The following HIVEP1 variants were observed in gnomAD, a reference collection of about 807,000 sequenced individuals.
The protein encoded by HIVEP1 is HIVEP zinc finger 1.
In HIVEP1, 36 loss-of-function variants were observed where a neutral mutation model predicts 180.0. The ratio of observed to expected loss-of-function variants is 0.20; its 90% CI spans 0.15 to 0.26. The LOEUF (loss-of-function observed/expected upper bound fraction) is 0.26, where lower values mean the gene tolerates loss of function less well. Ranked by LOEUF, HIVEP1 falls within the 10% of genes least tolerant of loss-of-function variation. The pLI, the probability that HIVEP1 is intolerant of heterozygous loss-of-function variation, is 1.00. For synonymous variants in HIVEP1, 1,239 were observed against 1,239.0 expected (o/e 1.00, Z 0.00); for missense variants, 3,143 against 3,268.7 (o/e 0.96, Z 0.94).
chr6:12,167,857 G>A (rs1001344260), downstream of HIVEP1, among the ~76,000 whole-genome samples: 56 of 141,654 alleles, frequency 4.0e-4, no homozygotes, highest in Non-Finnish European at 5.8e-4. Context: ...ATAGATGTGC[G>A]TATATAATAT....
intron 2 of HIVEP1, among the ~76,000 whole-genome samples, chr6:12,061,446 G>A (rs1771225156): frequency 6.6e-6 from 1 of 152,160 alleles, no homozygotes; most frequent in African/African-American, 2.4e-5. Context: ...TACTAACCTG[G>A]TATCATTGTT....
At chr6:12,131,642 G>A (rs1758422239) in intron 6 of HIVEP1, among the ~76,000 whole-genome samples, 1 of 151,346 alleles carries the variant, frequency 6.6e-6, no homozygotes, top group Admixed American at 6.6e-5. Flanking sequence ...TACTTTAAAT[G>A]TTTGCTTCCT....
intron 2 of HIVEP1, among the ~76,000 whole-genome samples, chr6:12,054,087 C>T (rs1021682302): frequency 9.2e-5 from 14 of 152,170 alleles, no homozygotes; most frequent in African/African-American, 2.9e-4. Flanking sequence ...CCATAACTCT[C>T]AGCAACATAT....
At chr6:12,139,963 T>G (rs1581767617) in intron 7 of HIVEP1, among the ~76,000 whole-genome samples, 1 of 152,364 alleles carries the variant, frequency 6.6e-6, no homozygotes, top group Non-Finnish European at 1.5e-5. Context: ...CATTCCTGTC[T>G]GACAGCTCTG....
At chr6:12,207,910 A>G in the HIVEP1 span, among the ~76,000 whole-genome samples, 15 of 102,952 alleles carry the variant, frequency 1.5e-4, no homozygotes, top group South Asian at 7.6e-4. Flanking sequence ...TCTCAAAAAA[A>G]AAAAAAAAAA....
At chr6:12,056,389 T>TA (rs1770873361) in intron 2 of HIVEP1, among the ~76,000 whole-genome samples, 1 of 152,234 alleles carries the variant, frequency 6.6e-6, no homozygotes. Flanking sequence ...GTCGAATTCA[T>TA]AGCAGTTAAT....
In HIVEP1 at chr6:12,163,970, C is replaced by T. The variant is rs779150057; in HGVS notation, c.7666C>T (p.Pro2556Ser). The change falls in exon 9 of 9, where the codon CCC becomes TCC. Residue 2556 changes from proline to serine, a missense_variant. Coordinates refer to ENST00000379388, the MANE Select transcript of HIVEP1 (RefSeq NM_002114.4). ...GAACATAGCATTGCCCACCTTAATC[C>T]CCTCAGTCAGTCAAGTAGCCGTTGA... The part of the protein sequence containing the change: ...ILNIALPTLI[P>S]SVSQVAVDAQ... The T allele has an allele frequency of 4.3e-6, 7 of 1,614,018 alleles. No homozygotes were observed. Among genetic ancestry groups the T allele is most frequent in the Non-Finnish European group, 5.1e-6 (6 of 1,180,034 alleles).
At chr6:12,079,064 A>T (rs1173741580) in intron 2 of HIVEP1, among the ~76,000 whole-genome samples, 2 of 152,108 alleles carry the variant, frequency 1.3e-5, no homozygotes, top group Admixed American at 6.6e-5. Context: ...CATGGTTACG[A>T]TGACTACCTC....
intron 2 of HIVEP1, among the ~76,000 whole-genome samples, chr6:12,085,011 G>A (rs1048306851): frequency 3.3e-5 from 5 of 152,068 alleles, no homozygotes; most frequent in South Asian, 2.1e-4. Flanking sequence ...GTGAAACCAC[G>A]CAGTGCCAGT....
intron 2 of HIVEP1, among the ~76,000 whole-genome samples, chr6:12,021,308 A>G (rs1296956205): frequency 1.3e-5 from 2 of 152,078 alleles, no homozygotes; most frequent in Non-Finnish European, 2.9e-5. Context: ...GTGCATAGCC[A>G]TTTGCCATTT....
Position 12,125,593 on chromosome 6 carries a change from T to C in HIVEP1, c.5798T>C (p.Phe1933Ser). 1 of 1,614,236 alleles carries C rather than the reference T, an allele frequency of 6.2e-7. No homozygotes were observed. Reference protein sequence around the residue: ...FNIKDTQQLAFPSLKTTTNFT... With the variant: ...FNIKDTQQLASPSLKTTTNFT... Reference sequence around the variant, plus strand: ...ATCAAGGACACCCAGCAGCTGGCTTTCCCTAGCCTGAAAACTACAACCAAC... The same window carrying C: ...ATCAAGGACACCCAGCAGCTGGCTTCCCCTAGCCTGAAAACTACAACCAAC... The change falls in exon 4 of 9, where the codon TTC becomes TCC. Residue 1933 changes from phenylalanine to serine, a missense_variant. This residue lies in a region of HIVEP1 where 1,357 missense variants were observed against 1,260.5 expected (regional missense o/e 1.08). Transcript: ENST00000379388.
the HIVEP1 span, among the ~76,000 whole-genome samples, chr6:12,209,330 G>A: frequency 6.6e-6 from 1 of 152,210 alleles, no homozygotes; most frequent in Non-Finnish European, 1.5e-5. Flanking sequence ...CTACTTGGGA[G>A]GCTGAGGCAG....
rs759095258 is a variant in HIVEP1 at position 12,135,891 on chromosome 6, A to G, written c.6486A>G (p.Ser2162=). The G allele has an allele frequency of 1.3e-6, 2 of 1,586,374 alleles. No homozygotes were observed. Among genetic ancestry groups the G allele is most frequent in the South Asian group, 1.1e-5 (1 of 90,190 alleles). Reference sequence around the variant, plus strand: ...TAGATGAACAGGATACAGAAGAATCAGGTAAGGCTTTATACCATATTTTTC... The same window carrying G: ...TAGATGAACAGGATACAGAAGAATCGGGTAAGGCTTTATACCATATTTTTC... ...GLIDEQDTEE[S]DEKQRFSYER... Residue 2162 remains serine (S), a splice_region_variant and synonymous_variant, in exon 7 of 9, where the codon TCA becomes TCG. Transcript: ENST00000379388.
At chr6:12,171,510 C>G in the HIVEP1 span, among the ~76,000 whole-genome samples, 1 of 152,166 alleles carries the variant, frequency 6.6e-6, no homozygotes, top group South Asian at 2.1e-4. Flanking sequence ...GCCAAGCTCA[C>G]AGTGGCCCCT....
intron 3 of HIVEP1, among the ~76,000 whole-genome samples, chr6:12,096,494 GT>G (rs767981533): frequency 2.0e-5 from 3 of 151,282 alleles, no homozygotes; most frequent in Non-Finnish European, 4.4e-5. Flanking sequence ...AAAAATGCTA[GT>G]TTCTCGCCTA....
chr6:12,043,208 C>T (rs1266215804), intron 2 of HIVEP1, among the ~76,000 whole-genome samples: 1 of 151,984 alleles, frequency 6.6e-6, no homozygotes, highest in East Asian at 1.9e-4. Context: ...CTTGAAATAC[C>T]CTAACTTTTG....
chr6:12,064,248 G>A (rs1401534998), intron 2 of HIVEP1, among the ~76,000 whole-genome samples: 1 of 152,180 alleles, frequency 6.6e-6, no homozygotes, highest in Non-Finnish European at 1.5e-5. Flanking sequence ...AACGGCATAT[G>A]TATCATAAAT....
At chr6:12,039,406 C>A (rs2113671389) in intron 2 of HIVEP1, among the ~76,000 whole-genome samples, 1 of 152,230 alleles carries the variant, frequency 6.6e-6, no homozygotes, top group Admixed American at 6.5e-5. Context: ...CCAGTCAGAG[C>A]CATGTGGAAG....
Position 12,163,470 on chromosome 6 carries a change from A to C in HIVEP1, c.7166A>C (p.Gln2389Pro). The change falls in exon 9 of 9, where the codon CAG becomes CCG. Residue 2389 changes from glutamine to proline, a missense_variant. By Grantham distance (76) the Gln-to-Pro change is moderately conservative. Coordinates refer to ENST00000379388, the MANE Select transcript of HIVEP1 (RefSeq NM_002114.4). ...HLFSHLPLHS[Q>P]QQSRTPYNMV... Reference sequence around the variant, plus strand: ...TTTAGCCACCTTCCTTTGCATTCCCAGCAGCAATCGAGGACACCTTATAAT... The same window carrying C: ...TTTAGCCACCTTCCTTTGCATTCCCCGCAGCAATCGAGGACACCTTATAAT... 13 of 1,614,104 alleles carry C rather than the reference A, an allele frequency of 8.1e-6. No homozygotes were observed. The highest frequency in any genetic ancestry group is 1.1e-5 in the Non-Finnish European group (13 of 1,180,016).
Sources: gnomAD v4.1 joint callset for allele counts (sites outside exome capture counted in the v4.1 genomes callset) on GRCh38, gnomAD v4.1.1 for gene constraint, gnomAD v4.1.1 regional missense constraint, MANE v1.5 for transcripts, NCBI Gene and HGNC (gene_info 2026-07-23, HGNC 2026-07-21) for gene names.